The following NAV1 variants were observed in gnomAD, a reference collection of about 807,000 sequenced individuals.
The protein encoded by NAV1 is pore membrane and/or filament interacting like protein 3.
NAV1 carries 18 observed loss-of-function variants against 175.2 expected under a neutral mutation model. That is an observed-to-expected ratio of 0.10 (90% confidence interval 0.07 to 0.15). The LOEUF (loss-of-function observed/expected upper bound fraction) is 0.15, where lower values mean the gene tolerates loss of function less well. Among genes scored for constraint, NAV1 ranks in the 10% least tolerant of loss-of-function variants. The pLI is 1.00. For synonymous variants in NAV1, 897 were observed against 978.7 expected (o/e 0.92, Z 1.56); for missense variants, 1,731 against 2,436.6 (o/e 0.71, Z 6.10).
At chr1:201,727,094 G>A (rs138043880) in intron 3 of NAV1, among the ~76,000 whole-genome samples, 19 of 152,270 alleles carry the variant, frequency 1.2e-4, no homozygotes, top group South Asian at 6.2e-4. Flanking sequence ...TAAGATTAAT[G>A]TGAGGATTAA....
At chr1:201,818,626 G>A (rs1165106216) in intron 29 of NAV1, among the ~76,000 whole-genome samples, 4 of 152,032 alleles carry the variant, frequency 2.6e-5, no homozygotes, top group African/African-American at 9.7e-5. Flanking sequence ...CAATAATTGA[G>A]GAAATGCAAA....
chr1:201,772,631 C>T (rs1675661181), intron 3 of NAV1, among the ~76,000 whole-genome samples: 1 of 152,208 alleles, frequency 6.6e-6, no homozygotes, highest in Admixed American at 6.5e-5. Context: ...ATACCTCTGT[C>T]ATGGATTTAT....
chr1:201,597,325 G>T (rs577526895), intron 2 of NAV1, among the ~76,000 whole-genome samples: 2 of 152,252 alleles, frequency 1.3e-5, no homozygotes, highest in East Asian at 3.9e-4. Context: ...CCCAGCTAAG[G>T]CACCCAGCAT....
intron 3 of NAV1, among the ~76,000 whole-genome samples, chr1:201,772,945 A>G (rs1675688618): frequency 6.6e-6 from 1 of 151,642 alleles, no homozygotes; most frequent in South Asian, 2.1e-4. Flanking sequence ...AGGCAGGAGA[A>G]TGGCATGAAC....
intron 1 of NAV1, among the ~76,000 whole-genome samples, chr1:201,559,953 T>C (rs1666149665): frequency 6.6e-6 from 1 of 152,144 alleles, no homozygotes; most frequent in African/African-American, 2.4e-5. Context: ...ACGTGTCCCC[T>C]CCTTCTCAGA....
intron 4 of NAV1, 57 bp from the exon 9 acceptor site, chr1:201,780,955 A>C: frequency 1.3e-6 from 2 of 1,521,736 alleles, no homozygotes; most frequent in Non-Finnish European, 1.8e-6. Flanking sequence ...CCTGTCAGCT[A>C]TCCAGTCTCC....
intron 1 of NAV1, among the ~76,000 whole-genome samples, chr1:201,546,828 C>A (rs191606101): frequency 8.7e-4 from 130 of 149,158 alleles, no homozygotes; most frequent in African/African-American, 3.0e-3. Flanking sequence ...CACTTGAACC[C>A]GGGAAGCAGA....
chr1:201,662,047 G>A (rs1473911937), intron 1 of NAV1, among the ~76,000 whole-genome samples: 1 of 152,254 alleles, frequency 6.6e-6, no homozygotes, highest in African/African-American at 2.4e-5. Flanking sequence ...ACGAAGTGGA[G>A]TCTGGGTATG....
exon 1 of NAV1, chr1:201,622,947 G>C: frequency 1.0e-6 from 1 of 986,406 alleles, no homozygotes; most frequent in Non-Finnish European, 1.2e-6. Flanking sequence ...CCATCCCGGT[G>C]CCTCGTGCCT....
At chr1:201,617,691 G>A (rs1265716845) in intron 2 of NAV1, among the ~76,000 whole-genome samples, 1 of 152,154 alleles carries the variant, frequency 6.6e-6, no homozygotes, top group Non-Finnish European at 1.5e-5. Context: ...TTGCACCACT[G>A]CTCTCCAGCC....
chr1:201,666,954 C>T (rs114971950), intron 1 of NAV1, among the ~76,000 whole-genome samples: 2,022 of 152,212 alleles, frequency 0.013, 44 homozygotes, highest in African/African-American at 0.045. Flanking sequence ...GAGGCAAGGA[C>T]GCCATGCTCC....
chr1:201,812,163 G>T lies in NAV1; in HGVS notation c.5024+189G>T, dbSNP rs1419722760. Among the ~76,000 whole-genome samples, 2 of 152,200 alleles carry T rather than the reference G, an allele frequency of 1.3e-5. No individual in the cohort carries two copies. The highest frequency in any genetic ancestry group is 2.4e-5 in the African/African-American group (1 of 41,444). On this transcript the variant is annotated intron_variant, in intron 26 of 29. Coordinates refer to ENST00000367296, the Ensembl canonical transcript of NAV1. This position sits in a 1 kb window ranked among gnomAD's most constrained non-coding sequence, Gnocchi z 4.6. ...AGGAGGACACTTGAGGAGAGAAAAG[G>T]CCTGCTAAGCTAAGAGAGAGCCAGG... is the stretch of plus-strand genomic sequence containing the variant.
intron 1 of NAV1, among the ~76,000 whole-genome samples, chr1:201,670,240 C>T (rs999930325): frequency 2.0e-5 from 3 of 151,316 alleles, no homozygotes; most frequent in African/African-American, 4.9e-5. Flanking sequence ...ATTAGCCGGG[C>T]GTGGTGGTGG....
chr1:201,559,400 T>C (rs1354642178), intron 1 of NAV1, among the ~76,000 whole-genome samples: 2 of 152,074 alleles, frequency 1.3e-5, no homozygotes, highest in East Asian at 1.9e-4. Flanking sequence ...CCAGGAACAG[T>C]GCTCTTCCAA....
chr1:201,593,812 C>A (rs886222923), intron 2 of NAV1, among the ~76,000 whole-genome samples: 5 of 152,204 alleles, frequency 3.3e-5, no homozygotes, highest in Non-Finnish European at 7.3e-5. Context: ...CCACTCCCCA[C>A]TTTCAGTACT....
intron 1 of NAV1, among the ~76,000 whole-genome samples, chr1:201,665,620 T>G (rs1303561970): frequency 2.7e-5 from 2 of 74,244 alleles, no homozygotes; most frequent in African/African-American, 1.1e-4. Context: ...CCTCCTGAGG[T>G]CAGCTGGATC....
intron 1 of NAV1, among the ~76,000 whole-genome samples, chr1:201,577,477 T>C (rs1666722943): frequency 7.1e-6 from 1 of 140,288 alleles, no homozygotes; most frequent in African/African-American, 3.1e-5. Context: ...CTTAGATTTT[T>C]TTTTTTTTTT....
In NAV1 at chr1:201,731,533, C is replaced by T. The variant is rs541444477; in HGVS notation, c.1226+12778C>T. On this transcript the variant is annotated intron_variant, in intron 3 of 29. Coordinates refer to ENST00000367296, the Ensembl canonical transcript of NAV1. ...AGCTCCTACTAAAAGGGGTCTGTGTCGTACCTTGTCTCTTTCTTGTGGGGC... is the reference window on the plus strand; with the variant it reads ...AGCTCCTACTAAAAGGGGTCTGTGTTGTACCTTGTCTCTTTCTTGTGGGGC... 4.6e-5 allele frequency among the ~76,000 whole-genome samples: 7 copies of T among 152,278 alleles called. No homozygotes were observed. The South Asian group carries it at 6.2e-4, about 14-fold the overall frequency.
chr1:201,572,075 G>C (rs1434318582), intron 1 of NAV1, among the ~76,000 whole-genome samples: 2 of 152,200 alleles, frequency 1.3e-5, no homozygotes, highest in Admixed American at 6.5e-5. Context: ...TCCTATATGA[G>C]AGAGTGTTTT....
Sources: allele counts gnomAD v4.1 joint callset (sites outside exome capture counted in the v4.1 genomes callset), GRCh38; gene constraint gnomAD v4.1.1; non-coding constraint Gnocchi (gnomAD v3.1); transcripts MANE v1.5; gene names NCBI Gene and HGNC (gene_info 2026-07-23, HGNC 2026-07-21).